PAPOLA: variants seen among roughly 807,000 people sequenced by gnomAD.
The protein encoded by PAPOLA is polynucleotide adenylyltransferase alpha.
Under a neutral mutation model 100.6 loss-of-function variants are expected in PAPOLA, and 15 were observed. The observed-to-expected ratio is 0.15, with a 90% CI of 0.10 to 0.23. The LOEUF (loss-of-function observed/expected upper bound fraction) is 0.23, where lower values mean the gene tolerates loss of function less well. Among genes scored for constraint, PAPOLA ranks in the 10% least tolerant of loss-of-function variants. The pLI, the probability that PAPOLA is intolerant of heterozygous loss-of-function variation, is 1.00. For synonymous variants in PAPOLA, 293 were observed against 300.0 expected (o/e 0.98, Z 0.24); for missense variants, 533 against 884.2 (o/e 0.60, Z 5.04).
chr14:96,564,997 G>C lies in PAPOLA; in HGVS notation c.2185G>C (p.Ala729Pro), dbSNP rs1902163850. Residue 729 changes from alanine (A) to proline (P), a missense_variant, in exon 22 of 22, where the codon GCA becomes CCA. Coordinates refer to ENST00000216277, the MANE Select transcript of PAPOLA (RefSeq NM_032632.5). Reference sequence around the variant, plus strand: ...CCTTTCTGATATCCCTGCTCTCCCTGCAAATCCTATTCCTGTTATCAAGAA... The same window carrying C: ...CCTTTCTGATATCCCTGCTCTCCCTCCAAATCCTATTCCTGTTATCAAGAA... ...TDLSDIPALP[A>P]NPIPVIKNSI... 6.2e-7 allele frequency: 1 copy of C among 1,603,122 alleles called. No homozygotes were observed. Among genetic ancestry groups the C allele is most frequent in the Non-Finnish European group, 8.5e-7 (1 of 1,170,214 alleles).
At chr14:96,509,452 A>G (rs928884460) in intron 1 of PAPOLA, among the ~76,000 whole-genome samples, 7 of 152,264 alleles carry the variant, frequency 4.6e-5, no homozygotes, top group African/African-American at 1.7e-4. Flanking sequence ...GTATATAAAC[A>G]AAAGTAACAT....
chr14:96,558,807 AC>A (rs141440027), intron 19 of PAPOLA, among the ~76,000 whole-genome samples: 2,538 of 152,204 alleles, frequency 0.017, 71 homozygotes, highest in African/African-American at 0.058. Flanking sequence ...AAATTAGCCT[AC>A]TCACAAAAAT....
At chr14:96,536,679 T>A (rs1412280289) in intron 11 of PAPOLA, among the ~76,000 whole-genome samples, 1 of 152,028 alleles carries the variant, frequency 6.6e-6, no homozygotes, top group East Asian at 1.9e-4. Flanking sequence ...CAAAGTATAT[T>A]GGAAAGTTTT....
chr14:96,565,552 T>C lies in PAPOLA; in HGVS notation c.*502T>C, dbSNP rs1241612398. ...ACTGTTGTGCAGTGGTGTACTGTTA[T>C]ACTTCAGAGAAAGGGTAAGAGTACA... On this transcript the variant is annotated 3_prime_UTR_variant, in exon 22 of 22. Coordinates refer to ENST00000216277, the MANE Select transcript of PAPOLA (RefSeq NM_032632.5). 1.3e-5 allele frequency: 5 copies of C among 396,322 alleles called. No homozygotes were observed. Among genetic ancestry groups the C allele is most frequent in the South Asian group, 1.4e-4 (1 of 7,350 alleles). 24.6% of individuals were successfully genotyped at this position (396,322 alleles called of 1,614,324 possible). A position where few individuals can be genotyped will look rare whatever the true frequency, so the allele number is the denominator to read the frequency against.
Position 96,513,402 on chromosome 14 carries a change from A to G in PAPOLA, c.9-6653A>G, listed in dbSNP as rs190157971. Among the ~76,000 whole-genome samples, 623 of 152,264 alleles carry G rather than the reference A, an allele frequency of 4.1e-3. 3 individuals carry two copies. Among genetic ancestry groups the G allele is most frequent in the African/African-American group, 0.014 (591 of 41,550 alleles). On this transcript the variant is annotated intron_variant, in intron 1 of 21. Transcript: ENST00000216277. ...TAGCTTTTTATGTAATTTATATTTT[A>G]AAAATGTGTGATTAAAGAGAATATG...
chr14:96,545,784 A>C (rs550797367), intron 15 of PAPOLA, among the ~76,000 whole-genome samples: 1 of 152,164 alleles, frequency 6.6e-6, no homozygotes, highest in African/African-American at 2.4e-5. Flanking sequence ...GATTTTTAGA[A>C]TGTCGTATGT....
At chr14:96,531,886 T>G (rs1353842963) in intron 7 of PAPOLA, 1 of 1,363,270 alleles carries the variant, frequency 7.3e-7, no homozygotes, top group Non-Finnish European at 9.4e-7. Flanking sequence ...CCAAATTAAT[T>G]TTGATCCTGT....
rs1896326291 is a variant in PAPOLA at position 96,502,386 on chromosome 14, C to T, written c.-207C>T. On this transcript the variant is annotated 5_prime_UTR_variant, in exon 1 of 22. It adds an upstream start codon to the 5' untranslated region. Coordinates refer to ENST00000216277, the MANE Select transcript of PAPOLA (RefSeq NM_032632.5). Reference sequence around the variant, plus strand: ...CGTGGTGGCGTCAGCAGTTCTAGAACGTTGCTGTGGTAGCGCTCGGGCGCC... The same window carrying T: ...CGTGGTGGCGTCAGCAGTTCTAGAATGTTGCTGTGGTAGCGCTCGGGCGCC... 2 of 698,054 alleles carry T rather than the reference C, an allele frequency of 2.9e-6. No homozygotes were observed. Among genetic ancestry groups the T allele is most frequent in the South Asian group, 3.0e-5 (2 of 66,578 alleles). 43.2% of individuals were successfully genotyped at this position (698,054 alleles called of 1,614,324 possible). A position where few individuals can be genotyped will look rare whatever the true frequency, so the allele number is the denominator to read the frequency against.
At position 96,520,181 on chromosome 14, in the gene PAPOLA, A is replaced by T. The variant is rs770712299; in HGVS notation, c.135A>T (p.Thr45=). ...TACTTACACAGAAACTAATTGAGAC[A>T]TTGAAACCCTTTGGGGTTTTTGAAG... is the stretch of plus-strand genomic sequence containing the variant. ...DCVLTQKLIE[T]LKPFGVFEEE... is the part of the protein sequence containing the mutation. The change falls in exon 2 of 22, where the codon ACA becomes ACT. Residue 45 remains threonine (T), a synonymous_variant. Transcript: ENST00000216277. 22 of 1,614,018 alleles carry T rather than the reference A, an allele frequency of 1.4e-5. No homozygotes were observed. The East Asian group carries it at 4.9e-4, about 36-fold the overall frequency.
At chr14:96,507,249 ATTC>A (rs1309958250) in intron 1 of PAPOLA, among the ~76,000 whole-genome samples, 3 of 142,878 alleles carry the variant, frequency 2.1e-5, no homozygotes, top group African/African-American at 8.0e-5. Context: ...AAAGCATGCC[ATTC>A]TTACTAAATT....
rs146510540 is a variant in PAPOLA at position 96,535,285 on chromosome 14, G to A, written c.910-594G>A. The stretch of plus-strand genomic sequence containing the variant: ...CAAGCTATGCATTTTCAGGTTTTCC[G>A]AACCTCAAGGCATTTACTTTTAGAG... On this transcript the variant is annotated intron_variant, in intron 10 of 21. Transcript: ENST00000216277. The A allele has an allele frequency of 4.7e-3, 4,607 of 982,366 alleles. 15 individuals carry two copies. Among genetic ancestry groups the A allele is most frequent in the Middle Eastern group, 0.01 (20 of 1,908 alleles). 60.9% of individuals were successfully genotyped at this position (982,366 alleles called of 1,614,324 possible).
At chr14:96,524,271 C>T (rs1006477579) in intron 3 of PAPOLA, among the ~76,000 whole-genome samples, 3 of 152,016 alleles carry the variant, frequency 2.0e-5, no homozygotes, top group Admixed American at 1.3e-4. Flanking sequence ...AATACTAAAC[C>T]GTAAAGCTTG....
chr14:96,514,382 T>G (rs993241800), intron 1 of PAPOLA, among the ~76,000 whole-genome samples: 15 of 151,466 alleles, frequency 9.9e-5, no homozygotes, highest in Non-Finnish European at 1.8e-4. Context: ...GGGGTTTCAC[T>G]GTGTCAGCCA....
At chr14:96,548,439 CT>C (rs1247175012) in intron 16 of PAPOLA, among the ~76,000 whole-genome samples, 1 of 152,232 alleles carries the variant, frequency 6.6e-6, no homozygotes, top group Non-Finnish European at 1.5e-5. Context: ...AGTGTTAGTG[CT>C]TCCTTTTGAA....
At chr14:96,520,811 G>A (rs960314256) in intron 2 of PAPOLA, among the ~76,000 whole-genome samples, 195 bp from the exon 3 acceptor site, 1 of 151,910 alleles carries the variant, frequency 6.6e-6, no homozygotes, top group Non-Finnish European at 1.5e-5. Flanking sequence ...CAGTGTAACA[G>A]TGCCTGTATA....
At chr14:96,544,417 G>A (rs1275379716) in intron 15 of PAPOLA, among the ~76,000 whole-genome samples, 159 bp downstream of exon 15, 2 of 152,028 alleles carry the variant, frequency 1.3e-5, no homozygotes, top group Non-Finnish European at 2.9e-5. Context: ...TACAGATTGA[G>A]TATTCCTTAT....
At chr14:96,550,135 C>T (rs929158920) in intron 16 of PAPOLA, among the ~76,000 whole-genome samples, 2 of 152,112 alleles carry the variant, frequency 1.3e-5, no homozygotes, top group Non-Finnish European at 2.9e-5. Flanking sequence ...AGTGACAGAA[C>T]GAGACCCTGT....
intron 10 of PAPOLA, chr14:96,534,986 A>T: frequency 2.0e-6 from 2 of 985,702 alleles, no homozygotes; most frequent in Non-Finnish European, 2.4e-6. Flanking sequence ...ATAACTTCTA[A>T]GCATTTTCAC....
chr14:96,533,546 C>CTTTTTTTT (rs1172413058), intron 9 of PAPOLA: 29 of 640,156 alleles, frequency 4.5e-5, no homozygotes, highest in African/African-American at 2.5e-4. Context: ...GTCAGAATTT[C>CTTTTTTTT]TTTTTTTTTT....
Sources: allele counts gnomAD v4.1 joint callset (sites outside exome capture counted in the v4.1 genomes callset), GRCh38; gene constraint gnomAD v4.1.1; transcripts MANE v1.5; gene names NCBI Gene and HGNC (gene_info 2026-07-23, HGNC 2026-07-21).